CBR4: variants seen among roughly 807,000 people sequenced by gnomAD.
The protein encoded by CBR4 is carbonyl reductase 4.
A neutral mutation model predicts 21.0 loss-of-function variants in CBR4; 22 were observed. That is an observed-to-expected ratio of 1.05 (90% CI 0.75 to 1.50). CBR4 has a LOEUF of 1.50. Among genes scored for constraint, CBR4 ranks in the 40% most tolerant of loss-of-function variants. CBR4 has a pLI of 0.00. For missense variants in CBR4, 302 were observed against 286.3 expected, an observed-to-expected ratio of 1.05 and a Z score of -0.40; for synonymous variants, 100 against 104.4, an observed-to-expected ratio of 0.96 and a Z score of 0.26.
chr4:168,924,741 A>C (rs1762247658), intron 2 of CBR4, among the ~76,000 whole-genome samples: 1 of 152,240 alleles, frequency 6.6e-6, no homozygotes, highest in South Asian at 2.1e-4. Context: ...CTAGGAATTA[A>C]GCACACAGAT....
chr4:168,927,439 G>GT (rs1281281779), intron 2 of CBR4: 4 of 232,772 alleles, frequency 1.7e-5, no homozygotes, highest in African/African-American at 8.8e-5. Context: ...TGTGTCTGAG[G>GT]TTTGTGTAGT....
At chr4:168,901,272 A>G (rs1756459707) in intron 2 of CBR4, among the ~76,000 whole-genome samples, 1 of 152,166 alleles carries the variant, frequency 6.6e-6, no homozygotes, top group African/African-American at 2.4e-5. Context: ...CTTATGTTTT[A>G]AAAATATTTT....
At chr4:168,914,067 T>G in intron 2 of CBR4, 1 of 1,109,464 alleles carries the variant, frequency 9.0e-7, no homozygotes, top group Admixed American at 1.7e-5. Flanking sequence ...ATTTTATTTA[T>G]TACTATAAAT....
intron 2 of CBR4, among the ~76,000 whole-genome samples, chr4:168,930,365 A>G (rs890218214): frequency 6.6e-6 from 1 of 152,228 alleles, no homozygotes; most frequent in Non-Finnish European, 1.5e-5. Context: ...ATTTGAGGAA[A>G]GCCTAATTTG....
At chr4:169,007,563 A>G (rs1731010832) in intron 2 of CBR4, 73 bp downstream of exon 2, 1 of 909,746 alleles carries the variant, frequency 1.1e-6, no homozygotes, top group South Asian at 2.6e-5. Context: ...ATTAACTTAT[A>G]CCAATCAAAG....
intron 4 of CBR4, 89 bp from the exon 5 acceptor site, chr4:168,990,417 AT>A: frequency 8.0e-7 from 1 of 1,257,228 alleles, no homozygotes; most frequent in Non-Finnish European, 1.0e-6. Flanking sequence ...GTTTCTGAAA[AT>A]TTTAATTTGA....
chr4:168,931,818 A>G (rs1238885189), intron 2 of CBR4, among the ~76,000 whole-genome samples: 1 of 152,214 alleles, frequency 6.6e-6, no homozygotes, highest in East Asian at 1.9e-4. Context: ...CTGGGCACTT[A>G]CAAACATCAG....
chr4:168,903,871 GAT>G, intron 2 of CBR4: 1 of 1,614,050 alleles, frequency 6.2e-7, no homozygotes, highest in Non-Finnish European at 8.5e-7. Flanking sequence ...CCTAGATGAT[GAT>G]GGGAATTATA....
intron 4 of CBR4, among the ~76,000 whole-genome samples, chr4:169,000,786 C>T (rs745754049): frequency 6.0e-4 from 92 of 152,124 alleles, no homozygotes; most frequent in Non-Finnish European, 1.1e-3. Flanking sequence ...TGAGTTTTAG[C>T]ACCTTTTTAT....
intron 2 of CBR4, among the ~76,000 whole-genome samples, chr4:168,896,893 G>A (rs545299796): frequency 6.6e-6 from 1 of 152,150 alleles, no homozygotes; most frequent in African/African-American, 2.4e-5. Flanking sequence ...GTGCAATGGT[G>A]TGATCTTGGC....
chr4:168,932,249 A>T (rs1308784581), intron 2 of CBR4, among the ~76,000 whole-genome samples: 1 of 152,026 alleles, frequency 6.6e-6, no homozygotes, highest in Non-Finnish European at 1.5e-5. Context: ...ACATAAAAAA[A>T]AAAAACCCAA....
intron 2 of CBR4, among the ~76,000 whole-genome samples, chr4:168,974,430 G>A (rs772660753): frequency 6.6e-5 from 10 of 152,170 alleles, no homozygotes; most frequent in Non-Finnish European, 1.3e-4. Flanking sequence ...GTTCTTTGAG[G>A]TTCTTGTATT....
At chr4:168,924,162 A>T in intron 2 of CBR4, 1 of 1,090,906 alleles carries the variant, frequency 9.2e-7, no homozygotes, top group South Asian at 1.3e-5. Context: ...ATCATAAAAG[A>T]TCTATTCAAG....
chr4:168,937,793 G>A (rs560556105), intron 2 of CBR4, among the ~76,000 whole-genome samples: 88 of 152,216 alleles, frequency 5.8e-4, no homozygotes, highest in African/African-American at 2.0e-3. Flanking sequence ...CCCAATACAG[G>A]AACATCCAGA....
chr4:168,984,228 T>C (rs1299753747), downstream of CBR4, among the ~76,000 whole-genome samples: 1 of 152,082 alleles, frequency 6.6e-6, no homozygotes, highest in African/African-American at 2.4e-5. Context: ...ACAAAATCAA[T>C]GTACAAAAAT....
chr4:168,969,493 C>T (rs1764139885), intron 2 of CBR4, among the ~76,000 whole-genome samples: 1 of 152,110 alleles, frequency 6.6e-6, no homozygotes, highest in South Asian at 2.1e-4. Flanking sequence ...AGTATAATCA[C>T]ATGAACCCTT....
At chr4:168,987,234 A>C (rs1429961648), downstream of CBR4, among the ~76,000 whole-genome samples, 1 of 152,248 alleles carries the variant, frequency 6.6e-6, no homozygotes, top group Non-Finnish European at 1.5e-5. Flanking sequence ...AGTGAAAGCA[A>C]GCATCAAAGT....
intron 2 of CBR4, chr4:168,896,437 T>C (rs2151237137): frequency 1.4e-6 from 1 of 700,298 alleles, no homozygotes; most frequent in South Asian, 1.5e-5. Flanking sequence ...GCACCGTTAC[T>C]ACCAAACGCA....
intron 2 of CBR4, among the ~76,000 whole-genome samples, chr4:168,950,840 T>C (rs1763519784): frequency 6.6e-6 from 1 of 152,214 alleles, no homozygotes; most frequent in African/African-American, 2.4e-5. Context: ...CACTATATAA[T>C]GTCCCTCTTT....
Sources: allele counts gnomAD v4.1 joint callset (sites outside exome capture counted in the v4.1 genomes callset), GRCh38; gene constraint gnomAD v4.1.1; transcripts MANE v1.5; gene names NCBI Gene and HGNC (gene_info 2026-07-23, HGNC 2026-07-21).